Variants in KANK1 observed in about 807,000 individuals in gnomAD.
The protein encoded by KANK1 is KN motif and ankyrin repeat domain-containing protein 1.
Under a neutral mutation model 106.2 loss-of-function variants are expected in KANK1, and 109 were observed. The ratio of observed to expected loss-of-function variants is 1.03; its 90% CI spans 0.88 to 1.20. The LOEUF is 1.20. Among genes scored for constraint, KANK1 ranks in the 50% most tolerant of loss-of-function variants. The pLI, the probability that KANK1 is intolerant of heterozygous loss-of-function variation, is 0.00. For missense variants in KANK1, 2,399 were observed against 1,710.7 expected, an observed-to-expected ratio of 1.40 and a Z score of -7.10; for synonymous variants, 873 against 652.2, an observed-to-expected ratio of 1.34 and a Z score of -5.16.
chr9:729,914 C>T (rs1306638368), intron 3 of KANK1, 137 bp from the exon 4 acceptor site: 11 of 700,052 alleles, frequency 1.6e-5, no homozygotes, highest in South Asian at 9.6e-5. Flanking sequence ...AAAGCTGGAG[C>T]GTCAAAGGGG....
chr9:730,012 C>T, intron 3 of KANK1, 39 bp from the exon 4 acceptor site: 1 of 1,565,966 alleles, frequency 6.4e-7, no homozygotes, highest in Non-Finnish European at 8.8e-7. Flanking sequence ...TTTTTCAGTC[C>T]TAGCATCACA....
chr9:671,463 G>A (rs1845883952), intron 1 of KANK1, among the ~76,000 whole-genome samples: 1 of 99,704 alleles, frequency 1.0e-5, no homozygotes, highest in South Asian at 3.4e-4. Context: ...GGCTAACACG[G>A]TGAAACCGCA....
intron 2 of KANK1, among the ~76,000 whole-genome samples, chr9:679,329 T>C (rs1456974309): frequency 6.6e-6 from 1 of 152,174 alleles, no homozygotes; most frequent in Non-Finnish European, 1.5e-5. Context: ...TGTCTGTATA[T>C]GTATATACAC....
Position 738,472 on chromosome 9 carries a change from A to C in KANK1, c.3521A>C (p.Asn1174Thr), listed in dbSNP as rs370445204. The change falls in exon 8 of 12, where the codon AAC becomes ACC. Residue 1174 changes from asparagine to threonine, a missense_variant. Asn to Thr is a moderately conservative substitution (Grantham distance 65). Transcript: ENST00000382297. ...TALHYSVSHSNFEIVKLLLDA... is the reference protein window; with the variant it reads ...TALHYSVSHSTFEIVKLLLDA... Reference sequence around the variant, plus strand: ...CTCCATTACAGCGTGTCCCACTCCAACTTCGAGATTGTGAAGCTGCTGTTA... The same window carrying C: ...CTCCATTACAGCGTGTCCCACTCCACCTTCGAGATTGTGAAGCTGCTGTTA... The C allele has an allele frequency of 2.5e-6, 4 of 1,614,162 alleles. No individual in the cohort carries two copies. The highest frequency in any genetic ancestry group is 3.4e-6 in the Non-Finnish European group (4 of 1,180,012).
At chr9:598,148 G>T (rs986596890) in intron 1 of KANK1, among the ~76,000 whole-genome samples, 10 of 151,528 alleles carry the variant, frequency 6.6e-5, no homozygotes, top group South Asian at 4.1e-4. Flanking sequence ...AATGGTCTTT[G>T]TACCCTTGTT....
At chr9:744,881 G>A in intron 11 of KANK1, 1 of 1,411,484 alleles carries the variant, frequency 7.1e-7, no homozygotes, top group South Asian at 1.5e-5. Context: ...GAGCCCATGG[G>A]GATATTTCGC....
intron 1 of KANK1, among the ~76,000 whole-genome samples, chr9:655,504 G>A (rs1040527394): frequency 6.6e-6 from 1 of 152,164 alleles, no homozygotes; most frequent in Admixed American, 6.6e-5. Context: ...TTCCACTTCA[G>A]TGTGCATACA....
chr9:531,737 C>T (rs767302234), intron 1 of KANK1, among the ~76,000 whole-genome samples: 13 of 152,178 alleles, frequency 8.5e-5, no homozygotes, highest in Non-Finnish European at 1.6e-4. Flanking sequence ...CTGTAGTGAA[C>T]CAGAGACCAT....
intron 1 of KANK1, among the ~76,000 whole-genome samples, chr9:542,049 A>AC (rs1371112435): frequency 1.3e-5 from 2 of 151,950 alleles, no homozygotes; most frequent in African/African-American, 4.8e-5. Context: ...AGATCGCGCC[A>AC]CTGCACTCCA....
At chr9:526,305 C>T (rs995357081) in intron 1 of KANK1, among the ~76,000 whole-genome samples, 2 of 151,662 alleles carry the variant, frequency 1.3e-5, no homozygotes, top group African/African-American at 4.9e-5. Flanking sequence ...CAGCAGTAGA[C>T]CTAGAAGTCT....
intron 2 of KANK1, chr9:686,833 G>C: frequency 1.0e-6 from 1 of 980,436 alleles, no homozygotes; most frequent in Non-Finnish European, 1.2e-6. Context: ...GATGTTACTT[G>C]GGTGCTAGAA....
chr9:740,977 C>T (rs578185904), intron 9 of KANK1, 43 bp downstream of exon 9: 1 of 1,607,682 alleles, frequency 6.2e-7, no homozygotes, highest in South Asian at 1.1e-5. Flanking sequence ...CACCCGTAAC[C>T]AGCAGACAGG....
At chr9:600,933 G>T (rs960480456) in intron 1 of KANK1, among the ~76,000 whole-genome samples, 4 of 151,658 alleles carry the variant, frequency 2.6e-5, no homozygotes, top group Admixed American at 1.3e-4. Context: ...TTTCAGGAGG[G>T]TCACTGTGAT....
intron 1 of KANK1, among the ~76,000 whole-genome samples, chr9:659,757 G>A (rs746207882): frequency 1.3e-5 from 2 of 151,658 alleles, no homozygotes; most frequent in East Asian, 1.9e-4. Context: ...GGGGAAGTCC[G>A]CCCCCATGAT....
At chr9:646,746 G>T (rs1019941641) in intron 1 of KANK1, among the ~76,000 whole-genome samples, 1 of 148,968 alleles carries the variant, frequency 6.7e-6, no homozygotes, top group Non-Finnish European at 1.5e-5. Flanking sequence ...CTGGAGTGCA[G>T]TGGCACGATC....
chr9:697,329 T>TG (rs1178277343), intron 2 of KANK1, among the ~76,000 whole-genome samples: 1 of 152,184 alleles, frequency 6.6e-6, no homozygotes. Context: ...TTTGATCACC[T>TG]GGTCGAGGTG....
At chr9:511,027 G>A (rs978735590) in intron 1 of KANK1, among the ~76,000 whole-genome samples, 6 of 152,232 alleles carry the variant, frequency 3.9e-5, no homozygotes, top group Non-Finnish European at 8.8e-5. Context: ...GAGTTCATAG[G>A]GAATGAATGT....
At chr9:705,674 C>T (rs1823916818) in intron 2 of KANK1, among the ~76,000 whole-genome samples, 1 of 151,850 alleles carries the variant, frequency 6.6e-6, no homozygotes, top group Admixed American at 6.6e-5. Context: ...TCTTGGCTCA[C>T]TGCAACCTTC....
chr9:684,577 G>C, intron 2 of KANK1: 1 of 985,378 alleles, frequency 1.0e-6, no homozygotes, highest in Non-Finnish European at 1.2e-6. Flanking sequence ...TTCTCGTTGT[G>C]AGTATTGGCA....
Sources: allele counts gnomAD v4.1 joint callset (sites outside exome capture counted in the v4.1 genomes callset), GRCh38; gene constraint gnomAD v4.1.1; transcripts MANE v1.5; gene names NCBI Gene and HGNC (gene_info 2026-07-23, HGNC 2026-07-21).